The following BCR variants were observed in gnomAD, a reference collection of about 807,000 sequenced individuals.
The protein encoded by BCR is breakpoint cluster region protein.
A neutral mutation model predicts 138.6 loss-of-function variants in BCR; 58 were observed. The ratio of observed to expected loss-of-function variants is 0.42; its 90% CI spans 0.34 to 0.52. BCR has a LOEUF of 0.52. Ranked by LOEUF, BCR falls within the 20% of genes least tolerant of loss-of-function variation. BCR has a pLI of 0.06. For synonymous variants in BCR, 786 were observed against 730.1 expected (o/e 1.08, Z -1.23); for missense variants, 1,599 against 1,727.2 (o/e 0.93, Z 1.32).
chr22:23,314,459 C>T, intron 21 of BCR, 93 bp from the exon 22 acceptor site: 1 of 1,448,606 alleles, frequency 6.9e-7, no homozygotes, highest in Non-Finnish European at 9.6e-7. Context: ...GTCGAGGTCA[C>T]TCCCTTCCTG....
chr22:23,264,155 A>G, intron 4 of BCR: 3 of 1,514,060 alleles, frequency 2.0e-6, no homozygotes, highest in South Asian at 1.1e-5. Flanking sequence ...GCCTGCAGAC[A>G]GATGGCAACC....
chr22:23,270,135 A>G (rs1439015254), intron 5 of BCR, among the ~76,000 whole-genome samples: 1 of 152,168 alleles, frequency 6.6e-6, no homozygotes, highest in Non-Finnish European at 1.5e-5. Context: ...AGAAAGCAGC[A>G]AGCCCTGCAG....
At chr22:23,240,371 G>A (rs1244721333) in intron 1 of BCR, among the ~76,000 whole-genome samples, 1 of 150,218 alleles carries the variant, frequency 6.7e-6, no homozygotes, top group African/African-American at 2.5e-5. Context: ...ATATACATAG[G>A]CCGGGCGCGG....
intron 16 of BCR, among the ~76,000 whole-genome samples, chr22:23,299,522 G>T (rs1250924230): frequency 6.6e-6 from 1 of 152,012 alleles, no homozygotes; most frequent in African/African-American, 2.4e-5. Flanking sequence ...CACGTCCCCC[G>T]TGACGTGATC....
At chr22:23,188,790 GTAGT>G (rs1165187367) in intron 1 of BCR, among the ~76,000 whole-genome samples, 1 of 152,032 alleles carries the variant, frequency 6.6e-6, no homozygotes, top group African/African-American at 2.4e-5. Flanking sequence ...TTTGAAAAGT[GTAGT>G]TATTTTAATT....
Position 23,180,754 on chromosome 22 carries a change from T to A in BCR, c.-207T>A, listed in dbSNP as rs988982933. On this transcript the variant is annotated 5_prime_UTR_variant, in exon 1 of 23. Coordinates refer to ENST00000305877, the MANE Select transcript of BCR (RefSeq NM_004327.4). Reference sequence around the variant, plus strand: ...TAGCGGCGCGCGCAGCCCGCGCCCTTCCCCCCGGCGCGCCCCGCCCCGCGC... The same window carrying A: ...TAGCGGCGCGCGCAGCCCGCGCCCTACCCCCCGGCGCGCCCCGCCCCGCGC... 6.8e-6 allele frequency: 1 copy of A among 147,722 alleles called. No individual in the cohort carries two copies. Among genetic ancestry groups the A allele is most frequent in the South Asian group, 2.0e-4 (1 of 4,936 alleles). The allele number at this position is 147,722 out of a possible 1,614,324, so 9.2% of individuals were successfully genotyped here. A position where few individuals can be genotyped will look rare whatever the true frequency, so the allele number is the denominator to read the frequency against.
chr22:23,300,970 T>G (rs764968555), intron 16 of BCR, among the ~76,000 whole-genome samples: 8 of 152,256 alleles, frequency 5.3e-5, no homozygotes, highest in Admixed American at 2.0e-4. Flanking sequence ...GATAGAATGT[T>G]GCCCTCTAAG....
intron 5 of BCR, 53 bp from the exon 6 acceptor site, chr22:23,271,479 A>G (rs2073508505): frequency 6.4e-7 from 1 of 1,572,256 alleles, no homozygotes; most frequent in South Asian, 1.1e-5. Flanking sequence ...AACTGTCTGC[A>G]TCATCAAAGC....
intron 1 of BCR, among the ~76,000 whole-genome samples, chr22:23,228,848 T>G (rs1173124266): frequency 6.6e-6 from 1 of 152,210 alleles, no homozygotes; most frequent in Admixed American, 6.5e-5. Context: ...TTTCTTTCTT[T>G]ATCCTGTTTG....
chr22:23,252,207 G>T (rs1010658484), intron 1 of BCR, among the ~76,000 whole-genome samples: 2 of 152,118 alleles, frequency 1.3e-5, no homozygotes, highest in Non-Finnish European at 2.9e-5. Context: ...GGGCCAGACT[G>T]GGGGATGGGG....
chr22:23,279,782 C>T (rs1048309407), intron 8 of BCR, among the ~76,000 whole-genome samples: 3 of 152,218 alleles, frequency 2.0e-5, no homozygotes, highest in Non-Finnish European at 2.9e-5. Context: ...GAGCCATGGT[C>T]TCTGATTCCT....
At chr22:23,233,455 A>G (rs4822375) in intron 1 of BCR, among the ~76,000 whole-genome samples, 88,740 of 152,072 alleles carry the variant, frequency 0.58, 26,585 homozygotes, top group African/African-American at 0.72. Context: ...CTGGCTCTGT[A>G]TATGCACGTG....
chr22:23,236,220 A>G (rs1046613782), intron 1 of BCR, among the ~76,000 whole-genome samples: 2 of 152,302 alleles, frequency 1.3e-5, no homozygotes, highest in East Asian at 3.9e-4. Context: ...TGCTTAAGAC[A>G]GGTTCCTCAA....
chr22:23,196,511 T>C (rs5759636), intron 1 of BCR, among the ~76,000 whole-genome samples: 130,763 of 152,180 alleles, frequency 0.86, 56,684 homozygotes, highest in East Asian at 1. Context: ...GCATTCAGTA[T>C]AGTCGTCTCT....
At chr22:23,237,655 G>A (rs1428271080) in intron 1 of BCR, among the ~76,000 whole-genome samples, 1 of 152,234 alleles carries the variant, frequency 6.6e-6, no homozygotes, top group Admixed American at 6.5e-5. Context: ...GAAGAGAAAT[G>A]TGGAAGTCAG....
intron 1 of BCR, chr22:23,199,315 C>T (rs576620327): frequency 7.5e-5 from 39 of 518,762 alleles, no homozygotes; most frequent in African/African-American, 6.7e-4. Context: ...GACTGGGTCC[C>T]GCCATGCCTG....
intron 8 of BCR, among the ~76,000 whole-genome samples, chr22:23,274,050 AC>A (rs34871279): frequency 2.0e-5 from 3 of 149,838 alleles, no homozygotes; most frequent in African/African-American, 7.4e-5. Context: ...GTGTCCAGGG[AC>A]CCCTTTTTTT....
At chr22:23,252,745 T>C (rs1010735657) in intron 1 of BCR, among the ~76,000 whole-genome samples, 31 of 152,310 alleles carry the variant, frequency 2.0e-4, no homozygotes, top group African/African-American at 7.5e-4. Context: ...TCCCCCTTTC[T>C]ATAGCAACCC....
At chr22:23,314,385 C>G (rs553294517) in intron 21 of BCR, among the ~76,000 whole-genome samples, 167 bp from the exon 22 acceptor site, 1 of 152,228 alleles carries the variant, frequency 6.6e-6, no homozygotes, top group Non-Finnish European at 1.5e-5. Context: ...AGAGCTGGCT[C>G]CTTGTCCTGG....
Sources: gnomAD v4.1 joint callset for allele counts (sites outside exome capture counted in the v4.1 genomes callset) on GRCh38, gnomAD v4.1.1 for gene constraint, MANE v1.5 for transcripts, NCBI Gene and HGNC (gene_info 2026-07-23, HGNC 2026-07-21) for gene names.